The following PEBP4 variants were observed in gnomAD, a reference collection of about 807,000 sequenced individuals.
The protein encoded by PEBP4 is phosphatidylethanolamine binding protein 4.
In PEBP4, 22 loss-of-function variants were observed where a neutral mutation model predicts 23.9. That is an observed-to-expected ratio of 0.92 (90% CI 0.66 to 1.31). The LOEUF is 1.31. Among genes scored for constraint, PEBP4 ranks in the 40% most tolerant of loss-of-function variants. The probability of loss-of-function intolerance (pLI) is 0.00; values close to 1 mark genes in which losing one functional copy is unlikely to be tolerated. For synonymous variants in PEBP4, 112 were observed against 99.3 expected, an observed-to-expected ratio of 1.13 and a Z score of -0.76; for missense variants, 324 against 281.7, an observed-to-expected ratio of 1.15 and a Z score of -1.07.
intron 3 of PEBP4, among the ~76,000 whole-genome samples, chr8:22,864,982 C>T (rs796256829): frequency 2.3e-4 from 35 of 152,216 alleles, no homozygotes; most frequent in African/African-American, 7.7e-4. Flanking sequence ...GGCAGGAGTG[C>T]GGGGCGGGCA....
intron 4 of PEBP4, among the ~76,000 whole-genome samples, chr8:22,803,745 T>C (rs1200403753): frequency 6.6e-6 from 1 of 152,174 alleles, no homozygotes; most frequent in African/African-American, 2.4e-5. Flanking sequence ...GACTCCCCCT[T>C]GTCTCCTCAC....
intron 3 of PEBP4, among the ~76,000 whole-genome samples, chr8:22,868,914 C>T (rs558282823): frequency 5.8e-4 from 89 of 152,278 alleles, no homozygotes; most frequent in African/African-American, 1.9e-3. Flanking sequence ...GAGGTCATCT[C>T]GCTCCTCTAC....
At chr8:22,736,968 C>T (rs535605776) in intron 4 of PEBP4, among the ~76,000 whole-genome samples, 4 of 152,242 alleles carry the variant, frequency 2.6e-5, no homozygotes. Context: ...GCCAGTTTTG[C>T]ACCCAACTAC....
chr8:22,936,340 A>C (rs1809540127), intron 1 of PEBP4, among the ~76,000 whole-genome samples: 1 of 152,136 alleles, frequency 6.6e-6, no homozygotes, highest in Non-Finnish European at 1.5e-5. Context: ...GTTATGTAAT[A>C]AATTTGATAA....
chr8:22,810,877 TGAGAGAGAGAGAGA>T lies in PEBP4; in HGVS notation c.357+6746_357+6759del, dbSNP rs33995327. ...GGTGGAGCACAGAATCTCAGAGTGC[TGAGAGAGAGAGAGA>T]GAGAGAGAGAGAGAGAGAGAGAGAA... On this transcript the variant is annotated intron_variant, in intron 4 of 6. Coordinates refer to ENST00000256404, the MANE Select transcript of PEBP4 (RefSeq NM_144962.3). Among the ~76,000 whole-genome samples the T allele has an allele frequency of 4.8e-4, 66 of 137,242 alleles. No homozygotes were observed. The East Asian group carries it at 8.8e-3, about 18-fold the overall frequency. The allele number at this position is 137,242 out of a possible 152,430, so 90.0% of individuals were successfully genotyped here.
chr8:22,784,325 G>T lies in PEBP4; in HGVS notation c.357+33312C>A, dbSNP rs1805985904. Among the ~76,000 whole-genome samples the T allele has an allele frequency of 3.3e-5, 5 of 152,356 alleles. 1 individual carries two copies. The highest frequency in any genetic ancestry group is 3.3e-4 in the Admixed American group (5 of 15,306). ...AGAACACACAGCACACTCGGAGTGG[G>T]GGATGGGGTCAGGAATCAAAGGCAA... is the stretch of plus-strand genomic sequence containing the variant. On this transcript the variant is annotated intron_variant, in intron 4 of 6. Transcript: ENST00000256404.
At chr8:22,777,455 G>T (rs568998120) in intron 4 of PEBP4, among the ~76,000 whole-genome samples, 20 of 152,258 alleles carry the variant, frequency 1.3e-4, no homozygotes, top group East Asian at 5.8e-4. Context: ...CTGTGGGGAG[G>T]GGGGAACGCA....
intron 4 of PEBP4, among the ~76,000 whole-genome samples, chr8:22,731,276 A>G (rs1804725806): frequency 6.6e-6 from 1 of 152,094 alleles, no homozygotes; most frequent in Non-Finnish European, 1.5e-5. Context: ...ACCCCAAGAC[A>G]GCAAGACCAA....
chr8:22,930,276 C>A (rs1809434361), upstream of PEBP4, among the ~76,000 whole-genome samples: 1 of 152,188 alleles, frequency 6.6e-6, no homozygotes. Flanking sequence ...AGGGGGGTAG[C>A]TGAAATGTCG....
intron 4 of PEBP4, among the ~76,000 whole-genome samples, chr8:22,754,248 A>G (rs947309705): frequency 1.6e-4 from 24 of 152,178 alleles, no homozygotes; most frequent in African/African-American, 5.8e-4. Context: ...AGTATCTTAC[A>G]TCGTAGTTGT....
chr8:22,786,726 C>T (rs1292541529), intron 4 of PEBP4, among the ~76,000 whole-genome samples: 1 of 152,132 alleles, frequency 6.6e-6, no homozygotes, highest in Non-Finnish European at 1.5e-5. Context: ...AAAGGTTGTT[C>T]ATCAGAGCAC....
intron 4 of PEBP4, among the ~76,000 whole-genome samples, chr8:22,764,360 C>T (rs1805568707): frequency 6.6e-6 from 1 of 152,154 alleles, no homozygotes; most frequent in South Asian, 2.1e-4. Context: ...GTCCAGGTTA[C>T]TCTCTGTGGA....
intron 1 of PEBP4, among the ~76,000 whole-genome samples, chr8:22,937,213 A>C (rs942023342): frequency 2.6e-5 from 4 of 152,220 alleles, no homozygotes; most frequent in Admixed American, 2.6e-4. Flanking sequence ...AAAAAGAAAA[A>C]CTGTTAGAGC....
At chr8:22,746,531 T>C (rs1805122912) in intron 4 of PEBP4, among the ~76,000 whole-genome samples, 1 of 151,974 alleles carries the variant, frequency 6.6e-6, no homozygotes, top group African/African-American at 2.4e-5. Context: ...TGCCTTCCCC[T>C]TCTCTCCGAT....
In PEBP4 at chr8:22,920,151, T is replaced by TC. The variant is rs1209314219; in HGVS notation, c.258+32dup. On this transcript the variant is annotated intron_variant, in intron 3 of 6. Transcript: ENST00000256404. ...GGAGGAACATCAAGACCCCCAACTG[T>TC]CCCCCCGCTTTAACACAGCCCTGCT... 5.1e-6 allele frequency: 8 copies of TC among 1,575,354 alleles called. No individual in the cohort carries two copies. The African/African-American group carries it at 8.1e-5, about 16-fold the overall frequency.
At chr8:22,787,221 G>T (rs1236369250) in intron 4 of PEBP4, among the ~76,000 whole-genome samples, 2 of 152,182 alleles carry the variant, frequency 1.3e-5, no homozygotes, top group Non-Finnish European at 2.9e-5. Flanking sequence ...AGGGTGGTAG[G>T]ATTTGCACAG....
At position 22,728,544 on chromosome 8, in the gene PEBP4, CT is replaced by C. The variant is rs1161581879; in HGVS notation, c.358-1325del. 3.1e-3 allele frequency among the ~76,000 whole-genome samples: 236 copies of C among 77,086 alleles called. 5 individuals are homozygous for C. The highest frequency in any genetic ancestry group is 7.8e-3 in the African/African-American group (196 of 25,188). The allele number at this position is 77,086 out of a possible 152,430, so 50.6% of individuals were successfully genotyped here. ...TGCTGGCTTGCTTCTTTCTTCCTTC[CT>C]TTCTTTCTTTCTTTCTTCCTTCCTT... On this transcript the variant is annotated intron_variant, in intron 4 of 6. Coordinates refer to ENST00000256404, the MANE Select transcript of PEBP4 (RefSeq NM_144962.3).
At chr8:22,821,626 G>C (rs560672697) in intron 3 of PEBP4, among the ~76,000 whole-genome samples, 2 of 152,260 alleles carry the variant, frequency 1.3e-5, no homozygotes, top group South Asian at 4.1e-4. Context: ...AGAATCTGTA[G>C]AGTGAAAACA....
intron 3 of PEBP4, among the ~76,000 whole-genome samples, chr8:22,840,684 A>G (rs1435640314): frequency 6.6e-6 from 1 of 152,170 alleles, no homozygotes; most frequent in Non-Finnish European, 1.5e-5. Flanking sequence ...GAAAATGTGA[A>G]TCAGTTGCTT....
Sources: gnomAD v4.1 joint callset for allele counts (sites outside exome capture counted in the v4.1 genomes callset) on GRCh38, gnomAD v4.1.1 for gene constraint, MANE v1.5 for transcripts, NCBI Gene and HGNC (gene_info 2026-07-23, HGNC 2026-07-21) for gene names.